The following OSBPL1A variants were observed in gnomAD, a reference collection of about 807,000 sequenced individuals.
OSBPL1A encodes the protein oxysterol binding protein like 1A.
In OSBPL1A, 80 loss-of-function variants were observed where a neutral mutation model predicts 137.1. The ratio of observed to expected loss-of-function variants is 0.58; its 90% CI spans 0.49 to 0.70. The LOEUF is 0.70. Among genes scored for constraint, OSBPL1A ranks in the 30% least tolerant of loss-of-function variants. The pLI is 0.00. For missense variants in OSBPL1A, 970 were observed against 1,129.4 expected (o/e 0.86, Z 2.02); for synonymous variants, 365 against 389.7 (o/e 0.94, Z 0.75).
At chr18:24,223,209 G>A (rs188647355) in intron 17 of OSBPL1A, among the ~76,000 whole-genome samples, 2 of 152,078 alleles carry the variant, frequency 1.3e-5, no homozygotes, top group East Asian at 3.9e-4. Context: ...TAGGGTGCAG[G>A]CAAGAGGGAT....
intron 14 of OSBPL1A, among the ~76,000 whole-genome samples, chr18:24,288,764 C>CAAAAA (rs10627986): frequency 5.5e-5 from 7 of 127,034 alleles, no homozygotes; most frequent in Non-Finnish European, 6.7e-5. Flanking sequence ...AAGACTGTCT[C>CAAAAA]AAAAAAAAAA....
At chr18:24,257,861 C>T (rs745709192) in intron 15 of OSBPL1A, among the ~76,000 whole-genome samples, 4 of 152,008 alleles carry the variant, frequency 2.6e-5, no homozygotes, top group Non-Finnish European at 5.9e-5. Context: ...AAATGGAAAA[C>T]AGGCATATGA....
At chr18:24,263,526 A>G (rs1040000183) in intron 15 of OSBPL1A, among the ~76,000 whole-genome samples, 3 of 152,228 alleles carry the variant, frequency 2.0e-5, no homozygotes, top group Admixed American at 6.5e-5. Context: ...TGCGATTGCA[A>G]TATTTGCCAT....
chr18:24,208,110 G>T (rs1425058159), intron 17 of OSBPL1A, among the ~76,000 whole-genome samples: 1 of 152,124 alleles, frequency 6.6e-6, no homozygotes, highest in African/African-American at 2.4e-5. Context: ...TTGCTCTGCT[G>T]AAGTTTACTA....
At chr18:24,367,017 C>A (rs577225072) in intron 3 of OSBPL1A, 51 bp from the exon 4 acceptor site, 17 of 1,477,880 alleles carry the variant, frequency 1.2e-5, no homozygotes, top group Non-Finnish European at 1.3e-5. Context: ...TGGTGAAAAT[C>A]ATTCCTTCAA....
chr18:24,269,129 C>T (rs1567989247), intron 15 of OSBPL1A, among the ~76,000 whole-genome samples: 2 of 152,140 alleles, frequency 1.3e-5, no homozygotes, highest in African/African-American at 2.4e-5. Context: ...TGGTTCAGTC[C>T]CTGATTATCT....
intron 23 of OSBPL1A, among the ~76,000 whole-genome samples, chr18:24,171,104 G>A (rs570339210): frequency 1.4e-4 from 21 of 150,998 alleles, no homozygotes; most frequent in South Asian, 1.3e-3. Flanking sequence ...GTGCGATCTC[G>A]GCTCACTGCA....
Position 24,181,237 on chromosome 18 carries a change from G to A in OSBPL1A, c.1720C>T (p.Leu574=). Reference sequence around the variant, plus strand: ...TCAGTTAGGCGCTGTAGGAAGCTCAGAGGCTCATTAAATATAACTGGCATC... The same window carrying A: ...TCAGTTAGGCGCTGTAGGAAGCTCAAAGGCTCATTAAATATAACTGGCATC... ...ITMPVIFNEP[L]SFLQRLTEYM... Residue 574 remains leucine, a synonymous_variant, in exon 19 of 28, where the codon CTG becomes TTG. Coordinates refer to ENST00000319481, the MANE Select transcript of OSBPL1A (RefSeq NM_080597.4). 2 of 1,614,148 alleles carry A rather than the reference G, an allele frequency of 1.2e-6. No individual in the cohort carries two copies. Among genetic ancestry groups the A allele is most frequent in the Non-Finnish European group, 1.7e-6 (2 of 1,180,026 alleles).
chr18:24,344,830 G>A (rs963370277), intron 4 of OSBPL1A, among the ~76,000 whole-genome samples: 129 of 152,128 alleles, frequency 8.5e-4, no homozygotes, highest in African/African-American at 3.1e-3. Context: ...TGTTTTCTTG[G>A]GGGGAGACGG....
chr18:24,210,802 C>T (rs1024805723), intron 17 of OSBPL1A, among the ~76,000 whole-genome samples: 3 of 152,090 alleles, frequency 2.0e-5, no homozygotes, highest in Non-Finnish European at 2.9e-5. Flanking sequence ...TCCCAAAGTG[C>T]TGAGATTACA....
At chr18:24,300,646 G>T (rs2090382037) in intron 14 of OSBPL1A, among the ~76,000 whole-genome samples, 1 of 152,192 alleles carries the variant, frequency 6.6e-6, no homozygotes, top group Non-Finnish European at 1.5e-5. Context: ...ATTGGAATAA[G>T]AAGGAAGTGA....
At chr18:24,362,688 T>G (rs1379824296) in intron 4 of OSBPL1A, among the ~76,000 whole-genome samples, 1 of 152,250 alleles carries the variant, frequency 6.6e-6, no homozygotes, top group Admixed American at 6.5e-5. Flanking sequence ...CTCTATGTCA[T>G]AGTTAATTTT....
At chr18:24,238,080 CCAA>C (rs2088557002) in intron 16 of OSBPL1A, among the ~76,000 whole-genome samples, 1 of 152,182 alleles carries the variant, frequency 6.6e-6, no homozygotes, top group Non-Finnish European at 1.5e-5. Flanking sequence ...CTACATTCTA[CCAA>C]CATCATTTTC....
intron 15 of OSBPL1A, among the ~76,000 whole-genome samples, chr18:24,273,844 C>T (rs1158876529): frequency 6.6e-6 from 1 of 152,154 alleles, no homozygotes; most frequent in Non-Finnish European, 1.5e-5. Context: ...TCCAACAGAG[C>T]AGCCTTGAGA....
chr18:24,393,385 A>C (rs72886794), intron 1 of OSBPL1A, among the ~76,000 whole-genome samples: 5,194 of 152,384 alleles, frequency 0.034, 123 homozygotes, highest in Non-Finnish European at 0.051. Context: ...AAGTATTAAC[A>C]GTAGAGTCAC....
At chr18:24,213,353 A>G (rs2087600308) in intron 17 of OSBPL1A, among the ~76,000 whole-genome samples, 2 of 152,172 alleles carry the variant, frequency 1.3e-5, no homozygotes, top group African/African-American at 4.8e-5. Context: ...GGATCACTTG[A>G]GCTCAGGAGT....
chr18:24,259,023 C>T (rs1389886092), intron 15 of OSBPL1A, among the ~76,000 whole-genome samples: 4 of 147,902 alleles, frequency 2.7e-5, no homozygotes, highest in African/African-American at 5.0e-5. Context: ...CTGTAAGCTC[C>T]ACTTTCCGGG....
chr18:24,168,389 G>A (rs759207277), intron 24 of OSBPL1A, among the ~76,000 whole-genome samples: 1 of 152,258 alleles, frequency 6.6e-6, no homozygotes, highest in South Asian at 2.1e-4. Flanking sequence ...TAAATGTATC[G>A]ATGCCACAAA....
In OSBPL1A at chr18:24,264,764, C is replaced by A. The variant is rs191757622; in HGVS notation, c.1281+16078G>T. Among the ~76,000 whole-genome samples, 23 of 152,264 alleles carry A rather than the reference C, an allele frequency of 1.5e-4. 1 individual carries two copies. Among genetic ancestry groups the A allele is most frequent in the African/African-American group, 5.5e-4 (23 of 41,564 alleles). ...AGATGGCCACATCCGCTTGGGCTGTCTAAAGACTTTTCCTAAGTCTAGGCG... is the reference window on the plus strand; with the variant it reads ...AGATGGCCACATCCGCTTGGGCTGTATAAAGACTTTTCCTAAGTCTAGGCG... On this transcript the variant is annotated intron_variant, in intron 15 of 27. Transcript: ENST00000319481.
Sources: allele counts gnomAD v4.1 joint callset (sites outside exome capture counted in the v4.1 genomes callset), GRCh38; gene constraint gnomAD v4.1.1; transcripts MANE v1.5; gene names NCBI Gene and HGNC (gene_info 2026-07-23, HGNC 2026-07-21).